Variants in TMEM190 observed in about 807,000 individuals in gnomAD.
The protein encoded by TMEM190 is transmembrane protein 190.
In TMEM190, 17 loss-of-function variants were observed where a neutral mutation model predicts 17.1. That is an observed-to-expected ratio of 0.99 (90% CI 0.68 to 1.49). The LOEUF is 1.49. Ranked by LOEUF, TMEM190 falls within the 40% of genes most tolerant of loss-of-function variation. The pLI, the probability that TMEM190 is intolerant of heterozygous loss-of-function variation, is 0.00. For synonymous variants in TMEM190, 101 were observed against 103.8 expected (o/e 0.97, Z 0.16); for missense variants, 246 against 245.0 (o/e 1.00, Z -0.03).
intron 2 of TMEM190, 60 bp from the exon 3 acceptor site, chr19:55,377,533 G>C (rs2089861577): frequency 6.4e-7 from 1 of 1,558,888 alleles, no homozygotes; most frequent in African/African-American, 1.4e-5. Context: ...GGAATCTCGT[G>C]TATGAGGCCT....
In TMEM190 at chr19:55,376,991, A is replaced by T; in HGVS notation, c.59A>T (p.Asp20Val). The T allele has an allele frequency of 6.4e-7, 1 of 1,551,540 alleles. No homozygotes were observed. The highest frequency in any genetic ancestry group is 1.2e-5 in the South Asian group (1 of 84,086). ...GLLLLLQGSA[D>V]GNGIQGFFYP... ...CCTAACACTGCCCTTTCTCTCGCAG[A>T]CGGAAATGGAATCCAGGGATTCTTC... The change falls in exon 2 of 5, where the codon GAC (aspartate) becomes GTC (valine). Residue 20 changes from aspartate (D) to valine (V), a missense_variant and splice_region_variant. Transcript: ENST00000291934.
Position 55,377,849 on chromosome 19 carries a change from G to A in TMEM190, c.268G>A (p.Gly90Ser). Residue 90 changes from glycine (G) to serine (S), a missense_variant, in exon 4 of 5, where the codon GGC becomes AGC. Transcript: ENST00000291934. Reference protein sequence around the residue: ...HMWALVWTCSGLLLLSCSICL... With the variant: ...HMWALVWTCSSLLLLSCSICL... ...GTGGGCGCTGGTCTGGACGTGCAGCGGCCTCCTCCTCCTGAGCTGCAGCAT... is the reference window on the plus strand; with the variant it reads ...GTGGGCGCTGGTCTGGACGTGCAGCAGCCTCCTCCTCCTGAGCTGCAGCAT... 11 of 1,610,820 alleles carry A rather than the reference G, an allele frequency of 6.8e-6. No homozygotes were observed. In the East Asian group the frequency reaches 8.9e-5, roughly 13 times the overall value.
rs201640228 is a variant in TMEM190 at position 55,377,717 on chromosome 19, C to T, written c.219C>T (p.Asp73=). ...GGGTCTGCTACCACCAGCGTCCAGA[C>T]GGTGAGGGCTCCTGGCCCCAGGTCC... The part of the protein sequence containing the change: ...RNGVCYHQRP[D]ENVRRKHMWA... Residue 73 remains aspartate (D), a splice_region_variant and synonymous_variant, in exon 3 of 5, where the codon GAC becomes GAT. Coordinates refer to ENST00000291934, the MANE Select transcript of TMEM190 (RefSeq NM_139172.3). 121 of 1,611,218 alleles carry T rather than the reference C, an allele frequency of 7.5e-5. No individual in the cohort carries two copies. In the Admixed American group the frequency reaches 9.2e-4, roughly 12 times the overall value.
chr19:55,378,223 C>T lies in TMEM190; in HGVS notation c.*20C>T. 6.6e-7 allele frequency: 1 copy of T among 1,515,986 alleles called. No homozygotes were observed. Among genetic ancestry groups the T allele is most frequent in the Non-Finnish European group, 8.8e-7 (1 of 1,131,694 alleles). 93.9% of individuals were successfully genotyped at this position (1,515,986 alleles called of 1,614,324 possible). On this transcript the variant is annotated 3_prime_UTR_variant, in exon 5 of 5. Coordinates refer to ENST00000291934, the MANE Select transcript of TMEM190 (RefSeq NM_139172.3). ...GATTAGGGGAGTCCCCGGGGGACTG[C>T]TCAATACAGATACGGTGGACGGACG...
In TMEM190 at chr19:55,377,811, G is replaced by A. The variant is rs754343942; in HGVS notation, c.230G>A (p.Arg77Gln). ...TGCCTCCCTTGTCCAGAAAACGTGCGGAGGAAGCACATGTGGGCGCTGGTC... is the reference window on the plus strand; with the variant it reads ...TGCCTCCCTTGTCCAGAAAACGTGCAGAGGAAGCACATGTGGGCGCTGGTC... ...CYHQRPDENV[R>Q]RKHMWALVWT... Residue 77 changes from arginine to glutamine, a missense_variant, in exon 4 of 5, where the codon CGG (arginine) becomes CAG (glutamine). Physicochemically the swap from Arg to Gln is conservative, Grantham distance 43. Transcript: ENST00000291934. 1.9e-5 allele frequency: 30 copies of A among 1,612,206 alleles called. No homozygotes were observed. The highest frequency in any genetic ancestry group is 1.8e-4 in the East Asian group (8 of 44,810).
intron 2 of TMEM190, 109 bp downstream of exon 2, chr19:55,377,135 CG>C (rs146943389): frequency 3.6e-5 from 33 of 910,718 alleles, no homozygotes; most frequent in Middle Eastern, 2.8e-4. Context: ...TGAGGGAGGA[CG>C]GGGGGGTCTG....
In TMEM190 at chr19:55,378,064, A is replaced by G; in HGVS notation, c.395A>G (p.His132Arg). 1 of 1,611,854 alleles carries G rather than the reference A, an allele frequency of 6.2e-7. No homozygotes were observed. Among genetic ancestry groups the G allele is most frequent in the African/African-American group, 1.3e-5 (1 of 74,794 alleles). Residue 132 changes from histidine (H) to arginine (R), a missense_variant, in exon 5 of 5, where the codon CAC (histidine) becomes CGC (arginine). Physicochemically the swap from His to Arg is conservative, Grantham distance 29 (BLOSUM62 0). Transcript: ENST00000291934. The part of the protein sequence containing the change: ...MSKSVSLLSK[H>R]RGTKKTPSTG... ...AAGTCCGTCTCGCTGCTCTCCAAGC[A>G]CCGAGGGACCAAGAAGACGCCGTCC...
In TMEM190 at chr19:55,377,625, T is replaced by C; in HGVS notation, c.127T>C (p.Cys43Arg). The change falls in exon 3 of 5, where the codon TGT becomes CGT. Residue 43 changes from cysteine (C) to arginine (R), a missense_variant. Transcript: ENST00000291934. ...CEGDIWDRES[C>R]GGQAAIDSPN... ...GGGTGACATATGGGACCGGGAGAGC[T>C]GTGGGGGCCAGGCGGCCATCGATAG... 6.2e-7 allele frequency: 1 copy of C among 1,613,004 alleles called. No individual in the cohort carries two copies. The highest frequency in any genetic ancestry group is 8.5e-7 in the Non-Finnish European group (1 of 1,179,454).
In TMEM190 at chr19:55,377,806, C is replaced by T. The variant is rs750475040; in HGVS notation, c.225C>T (p.Asn75=). The T allele has an allele frequency of 1.7e-5, 28 of 1,612,280 alleles. No individual in the cohort carries two copies. The highest frequency in any genetic ancestry group is 4.0e-5 in the African/African-American group (3 of 74,886). Residue 75 remains asparagine (N), a synonymous_variant, in exon 4 of 5, where the codon AAC becomes AAT. Transcript: ENST00000291934. ...GVCYHQRPDE[N]VRRKHMWALV... ...AACCCTGCCTCCCTTGTCCAGAAAACGTGCGGAGGAAGCACATGTGGGCGC... is the reference window on the plus strand; with the variant it reads ...AACCCTGCCTCCCTTGTCCAGAAAATGTGCGGAGGAAGCACATGTGGGCGC...
At chr19:55,377,462 C>G in intron 2 of TMEM190, 131 bp from the exon 3 acceptor site, 2 of 1,448,546 alleles carry the variant, frequency 1.4e-6, no homozygotes, top group African/African-American at 1.4e-5. Flanking sequence ...GGGGTGGAGT[C>G]TGGACCCCTG....
rs780961246 is a variant in TMEM190, at chr19:55,378,131, T to C, written c.462T>C (p.Asp154=). 3 of 1,589,366 alleles carry C rather than the reference T, an allele frequency of 1.9e-6. No individual in the cohort carries two copies. Among genetic ancestry groups the C allele is most frequent in the Non-Finnish European group, 2.6e-6 (3 of 1,164,814 alleles). ...VPVALSKESR[D]VEGGTEGEGT... ...TCGCCCTGTCCAAAGAGTCCAGGGA[T>C]GTGGAGGGAGGCACCGAGGGGGAAG... Residue 154 remains aspartate (D), a synonymous_variant, in exon 5 of 5, where the codon GAT becomes GAC. Coordinates refer to ENST00000291934, the MANE Select transcript of TMEM190 (RefSeq NM_139172.3).
Position 55,378,237 on chromosome 19 carries a change from G to T in TMEM190, c.*34G>T, listed in dbSNP as rs749451685. The T allele has an allele frequency of 6.7e-7, 1 of 1,502,594 alleles. No individual in the cohort carries two copies. Among genetic ancestry groups the T allele is most frequent in the African/African-American group, 1.4e-5 (1 of 70,766 alleles). The allele number at this position is 1,502,594 out of a possible 1,614,324, so 93.1% of individuals were successfully genotyped here. A position where few individuals can be genotyped will look rare whatever the true frequency, so the allele number is the denominator to read the frequency against. On this transcript the variant is annotated 3_prime_UTR_variant, in exon 5 of 5. Transcript: ENST00000291934. ...CCGGGGGACTGCTCAATACAGATACGGTGGACGGACGTGTGTTCTCTTCTC... is the reference window on the plus strand; with the variant it reads ...CCGGGGGACTGCTCAATACAGATACTGTGGACGGACGTGTGTTCTCTTCTC...
At chr19:55,377,487 G>T (rs974444320) in intron 2 of TMEM190, 106 bp from the exon 3 acceptor site, 2 of 1,521,902 alleles carry the variant, frequency 1.3e-6, no homozygotes, top group Admixed American at 4.1e-5. Context: ...CCTGCACAGA[G>T]TAAGCACCAG....
Position 55,376,930 on chromosome 19 carries a change from G to T in TMEM190, c.58+19G>T. The T allele has an allele frequency of 1.3e-6, 2 of 1,562,140 alleles. No individual in the cohort carries two copies. Among genetic ancestry groups the T allele is most frequent in the Non-Finnish European group, 1.7e-6 (2 of 1,152,700 alleles). Reference sequence around the variant, plus strand: ...TCGGCAGGTGAGGGGCTGGTGAGGCGGGGGAGCTGAGGAGGGACGCCCGGC... The same window carrying T: ...TCGGCAGGTGAGGGGCTGGTGAGGCTGGGGAGCTGAGGAGGGACGCCCGGC... On this transcript the variant is annotated intron_variant, in intron 1 of 4. Transcript: ENST00000291934.
intron 2 of TMEM190, 62 bp from the exon 3 acceptor site, chr19:55,377,531 G>A (rs965442333): frequency 5.8e-6 from 9 of 1,554,734 alleles, no homozygotes; most frequent in South Asian, 3.7e-5. Flanking sequence ...TTGGAATCTC[G>A]TGTATGAGGC....
Position 55,378,082 on chromosome 19 carries a change from C to T in TMEM190, c.413C>T (p.Thr138Met), listed in dbSNP as rs558548585. Residue 138 changes from threonine (T) to methionine (M), a missense_variant, in exon 5 of 5, where the codon ACG (threonine) becomes ATG (methionine). Thr to Met is a moderately conservative substitution (Grantham distance 81). Transcript: ENST00000291934. ...TCCAAGCACCGAGGGACCAAGAAGA[C>T]GCCGTCCACGGGCAGCGTGCCAGTC... Reference protein sequence around the residue: ...LLSKHRGTKKTPSTGSVPVAL... With the variant: ...LLSKHRGTKKMPSTGSVPVAL... 39 of 1,610,942 alleles carry T rather than the reference C, an allele frequency of 2.4e-5. 1 individual carries two copies. In the East Asian group the frequency reaches 6.3e-4, roughly 26 times the overall value.
rs370278440 is a variant in TMEM190 at position 55,377,420 on chromosome 19, TG to T, written c.95-169del. Among the ~76,000 whole-genome samples, 37 of 81,120 alleles carry T rather than the reference TG, an allele frequency of 4.6e-4. 1 individual carries two copies. Among genetic ancestry groups the T allele is most frequent in the African/African-American group, 1.8e-3 (34 of 19,178 alleles). 53.2% of individuals were successfully genotyped at this position (81,120 alleles called of 152,430 possible). A position where few individuals can be genotyped will look rare whatever the true frequency, so the allele number is the denominator to read the frequency against. On this transcript the variant is annotated intron_variant, in intron 2 of 4. Coordinates refer to ENST00000291934, the MANE Select transcript of TMEM190 (RefSeq NM_139172.3). ...GACTCCTGGGTCTGAAGGAGGGGGCTGGGGCCTGGACTCCTGGGTCTGAGGG... is the reference window on the plus strand; with the variant it reads ...GACTCCTGGGTCTGAAGGAGGGGGCTGGGCCTGGACTCCTGGGTCTGAGGG...
chr19:55,378,214 G>A lies in TMEM190; in HGVS notation c.*11G>A, dbSNP rs1237014298. On this transcript the variant is annotated 3_prime_UTR_variant, in exon 5 of 5. Transcript: ENST00000291934. ...GAAGAGGAGGATTAGGGGAGTCCCC[G>A]GGGGACTGCTCAATACAGATACGGT... The A allele has an allele frequency of 1.3e-6, 2 of 1,529,150 alleles. No individual in the cohort carries two copies. The highest frequency in any genetic ancestry group is 1.3e-5 in the South Asian group (1 of 78,244). 94.7% of individuals were successfully genotyped at this position (1,529,150 alleles called of 1,614,324 possible).
At position 55,376,993 on chromosome 19, in the gene TMEM190, G is replaced by A. The variant is rs201520200; in HGVS notation, c.61G>A (p.Gly21Arg). The A allele has an allele frequency of 3.6e-4, 563 of 1,551,570 alleles. 1 individual carries two copies. The highest frequency in any genetic ancestry group is 4.6e-4 in the Non-Finnish European group (523 of 1,147,026). ...TAACACTGCCCTTTCTCTCGCAGAC[G>A]GAAATGGAATCCAGGGATTCTTCTA... ...LLLLLQGSAD[G>R]NGIQGFFYPW... is the part of the protein sequence containing the mutation. The change falls in exon 2 of 5, where the codon GGA becomes AGA. Residue 21 changes from glycine to arginine, a missense_variant and splice_region_variant. Transcript: ENST00000291934.
Sources: gnomAD v4.1 joint callset for allele counts (sites outside exome capture counted in the v4.1 genomes callset) on GRCh38, gnomAD v4.1.1 for gene constraint, MANE v1.5 for transcripts, NCBI Gene and HGNC (gene_info 2026-07-23, HGNC 2026-07-21) for gene names.